ERC2: variants seen among roughly 807,000 people sequenced by gnomAD.
The protein encoded by ERC2 is ERC protein 2.
ERC2 carries 42 observed loss-of-function variants against 114.8 expected under a neutral mutation model. The observed-to-expected ratio is 0.37, with a 90% CI of 0.29 to 0.47. The LOEUF is 0.47. Among genes scored for constraint, ERC2 ranks in the 20% least tolerant of loss-of-function variants. The probability of loss-of-function intolerance (pLI) is 0.99; values close to 1 mark genes in which losing one functional copy is unlikely to be tolerated. For synonymous variants in ERC2, 454 were observed against 425.5 expected, an observed-to-expected ratio of 1.07 and a Z score of -0.82; for missense variants, 939 against 1,150.7, an observed-to-expected ratio of 0.82 and a Z score of 2.66.
chr3:56,351,573 CA>C (rs1378776729), intron 2 of ERC2, among the ~76,000 whole-genome samples: 1 of 152,198 alleles, frequency 6.6e-6, no homozygotes, highest in East Asian at 1.9e-4. Flanking sequence ...CAGCTCATTA[CA>C]TGTTCTCTTC....
At chr3:55,775,722 T>C (rs2068556441) in intron 14 of ERC2, among the ~76,000 whole-genome samples, 1 of 152,164 alleles carries the variant, frequency 6.6e-6, no homozygotes, top group African/African-American at 2.4e-5. Context: ...CTGCCCTGTC[T>C]TGACCAGAAA....
At chr3:56,040,947 C>A (rs904267810) in intron 7 of ERC2, among the ~76,000 whole-genome samples, 3 of 151,624 alleles carry the variant, frequency 2.0e-5, no homozygotes, top group Admixed American at 2.0e-4. Context: ...TCCACTCTAC[C>A]GTTGAGTCCT....
At chr3:55,922,576 A>G (rs1196203515) in intron 13 of ERC2, among the ~76,000 whole-genome samples, 1 of 151,992 alleles carries the variant, frequency 6.6e-6, no homozygotes, top group Non-Finnish European at 1.5e-5. Flanking sequence ...GCTTCAAAAC[A>G]TCCCCATTTT....
At chr3:55,567,196 A>T (rs1238120773) in intron 17 of ERC2, among the ~76,000 whole-genome samples, 1 of 152,200 alleles carries the variant, frequency 6.6e-6, no homozygotes, top group Non-Finnish European at 1.5e-5. Flanking sequence ...GGGTTATGTG[A>T]TGGCAAGCAA....
At chr3:56,454,220 T>G (rs921716434) in intron 1 of ERC2, among the ~76,000 whole-genome samples, 1 of 152,200 alleles carries the variant, frequency 6.6e-6, no homozygotes, top group African/African-American at 2.4e-5. Flanking sequence ...GTAGAGCAGT[T>G]TAAAGCATGG....
rs1264721066 is a variant in ERC2 at position 55,697,937 on chromosome 3, G to T, written c.2847+1441C>A. On this transcript the variant is annotated intron_variant, in intron 16 of 17. Transcript: ENST00000288221. ...GAATGAGAACGAGTTGGTTTAGTTAGCAGGATGCCAGGTCTACTGGAGCAG... is the reference window on the plus strand; with the variant it reads ...GAATGAGAACGAGTTGGTTTAGTTATCAGGATGCCAGGTCTACTGGAGCAG... Among the ~76,000 whole-genome samples the T allele has an allele frequency of 2.6e-5, 4 of 152,034 alleles. No homozygotes were observed. In the South Asian group the frequency reaches 8.3e-4, roughly 32 times the overall value.
At chr3:56,311,680 A>G (rs2056589177) in intron 2 of ERC2, among the ~76,000 whole-genome samples, 1 of 152,112 alleles carries the variant, frequency 6.6e-6, no homozygotes, top group South Asian at 2.1e-4. Flanking sequence ...ATTGTAAACT[A>G]TAGTCACCCT....
chr3:55,851,791 G>A (rs1226413744), intron 14 of ERC2, among the ~76,000 whole-genome samples: 1 of 152,030 alleles, frequency 6.6e-6, no homozygotes. Flanking sequence ...TCACATGGGT[G>A]TCACACCATT....
chr3:56,457,746 C>G (rs977419736), intron 1 of ERC2, among the ~76,000 whole-genome samples: 1 of 152,180 alleles, frequency 6.6e-6, no homozygotes, highest in African/African-American at 2.4e-5. Context: ...ATCTCCCATT[C>G]TCTCGCTTAC....
intron 14 of ERC2, among the ~76,000 whole-genome samples, chr3:55,837,247 T>G (rs137977293): frequency 1.1e-4 from 16 of 152,316 alleles, no homozygotes; most frequent in African/African-American, 3.6e-4. Flanking sequence ...AGCCATCCCA[T>G]TACTGGGTAT....
rs187722347 is a variant in ERC2, at chr3:55,664,883, T to C, written c.*39+18911A>G. ...ACTTTAGCAGTAGGTCTGCATTTGA[T>C]GGAGAGAGGCAAGCAGTGATGGAGA... On this transcript the variant is annotated intron_variant, in intron 17 of 17. Coordinates refer to ENST00000288221, the MANE Select transcript of ERC2 (RefSeq NM_015576.3). Among the ~76,000 whole-genome samples the C allele has an allele frequency of 3.1e-4, 47 of 152,282 alleles. No homozygotes were observed. The East Asian group carries it at 7.7e-3, about 25-fold the overall frequency.
intron 3 of ERC2, among the ~76,000 whole-genome samples, chr3:56,204,031 CA>C (rs1259582333): frequency 6.6e-6 from 1 of 151,126 alleles, no homozygotes; most frequent in African/African-American, 2.4e-5. Context: ...AATACACACA[CA>C]AAAAAAAGTT....
At chr3:56,096,185 T>A (rs2078053020) in intron 6 of ERC2, among the ~76,000 whole-genome samples, 1 of 152,234 alleles carries the variant, frequency 6.6e-6, no homozygotes, top group South Asian at 2.1e-4. Flanking sequence ...AATTTATGAT[T>A]ACCATGATAC....
chr3:56,277,716 T>C (rs1032980931), intron 3 of ERC2, among the ~76,000 whole-genome samples: 12 of 149,806 alleles, frequency 8.0e-5, no homozygotes, highest in African/African-American at 2.5e-4. Flanking sequence ...TCCTAGACAC[T>C]TGAAGCCTGA....
chr3:55,526,545 G>A (rs903926921), intron 17 of ERC2, among the ~76,000 whole-genome samples: 4 of 152,192 alleles, frequency 2.6e-5, no homozygotes, highest in East Asian at 1.9e-4. Context: ...GTGGCTGTCC[G>A]TGAGAGAGTT....
At chr3:55,938,541 G>C (rs1042242184) in intron 13 of ERC2, among the ~76,000 whole-genome samples, 7 of 152,204 alleles carry the variant, frequency 4.6e-5, no homozygotes. Flanking sequence ...ATTAAGTCAG[G>C]TTAAGAGAGG....
At chr3:55,934,130 A>T (rs977528298) in intron 13 of ERC2, among the ~76,000 whole-genome samples, 1 of 152,220 alleles carries the variant, frequency 6.6e-6, no homozygotes, top group East Asian at 1.9e-4. Context: ...TGTGTGCTCA[A>T]TGAGGGTATG....
At chr3:56,439,368 C>G (rs775668424) in intron 1 of ERC2, among the ~76,000 whole-genome samples, 18 of 152,136 alleles carry the variant, frequency 1.2e-4, no homozygotes, top group Non-Finnish European at 2.1e-4. Flanking sequence ...ATCACTTGAG[C>G]CCAGGAGTTC....
chr3:56,348,926 AG>A (rs2058433429), intron 2 of ERC2, among the ~76,000 whole-genome samples: 1 of 143,288 alleles, frequency 7.0e-6, no homozygotes, highest in Non-Finnish European at 1.5e-5. Flanking sequence ...GAAGGAAGGA[AG>A]GAAGGAAGGA....
Sources: gnomAD v4.1 joint callset for allele counts (sites outside exome capture counted in the v4.1 genomes callset) on GRCh38, gnomAD v4.1.1 for gene constraint, MANE v1.5 for transcripts, NCBI Gene and HGNC (gene_info 2026-07-23, HGNC 2026-07-21) for gene names.